Variants in IQGAP2 observed in about 807,000 individuals in gnomAD.
IQGAP2 encodes ras GTPase-activating-like protein IQGAP2.
A neutral mutation model predicts 201.3 loss-of-function variants in IQGAP2; 173 were observed. The observed-to-expected ratio is 0.86, with a 90% CI of 0.76 to 0.98. The LOEUF (loss-of-function observed/expected upper bound fraction) is 0.98, where lower values mean the gene tolerates loss of function less well. Ranked by LOEUF, IQGAP2 falls within the 50% of genes least tolerant of loss-of-function variation. IQGAP2 has a pLI of 0.00. For missense variants in IQGAP2, 1,687 were observed against 1,864.8 expected, an observed-to-expected ratio of 0.90 and a Z score of 1.76; for synonymous variants, 675 against 673.9, an observed-to-expected ratio of 1.00 and a Z score of -0.03.
intron 21 of IQGAP2, among the ~76,000 whole-genome samples, chr5:76,661,267 G>A (rs1359945225): frequency 2.6e-5 from 4 of 152,148 alleles, no homozygotes; most frequent in Non-Finnish European, 5.9e-5. Flanking sequence ...CTCAAAATCT[G>A]TAGGTCAGTG....
chr5:76,642,731 G>C (rs1751691141), intron 17 of IQGAP2, among the ~76,000 whole-genome samples: 1 of 152,160 alleles, frequency 6.6e-6, no homozygotes, highest in Non-Finnish European at 1.5e-5. Context: ...CTGCCCCCCA[G>C]ACACAGTAGT....
At chr5:76,497,030 G>T (rs1379961790) in intron 2 of IQGAP2, among the ~76,000 whole-genome samples, 2 of 151,788 alleles carry the variant, frequency 1.3e-5, no homozygotes, top group Admixed American at 6.6e-5. Context: ...GGGTTTTACC[G>T]TGTTGGTCAG....
chr5:76,595,130 G>T (rs1278708163), intron 9 of IQGAP2, among the ~76,000 whole-genome samples: 3 of 151,808 alleles, frequency 2.0e-5, no homozygotes, highest in Non-Finnish European at 4.4e-5. Flanking sequence ...GTTGTTAGAG[G>T]CCTCAGCTTT....
chr5:76,587,781 A>G (rs1580528575), intron 5 of IQGAP2, among the ~76,000 whole-genome samples: 1 of 150,922 alleles, frequency 6.6e-6, no homozygotes, highest in South Asian at 2.1e-4. Flanking sequence ...GTCTCTACTA[A>G]AAAAAAATAC....
At chr5:76,496,404 C>T (rs1303976618) in intron 2 of IQGAP2, among the ~76,000 whole-genome samples, 1 of 152,162 alleles carries the variant, frequency 6.6e-6, no homozygotes, top group Non-Finnish European at 1.5e-5. Context: ...TAGGAGCTTG[C>T]ACTTGAAAGC....
At chr5:76,605,286 T>C (rs1747723771) in intron 11 of IQGAP2, among the ~76,000 whole-genome samples, 1 of 152,224 alleles carries the variant, frequency 6.6e-6, no homozygotes, top group Non-Finnish European at 1.5e-5. Flanking sequence ...GACTAAACTG[T>C]ATCTTCCAGA....
At chr5:76,516,020 C>T (rs1758297630) in intron 2 of IQGAP2, among the ~76,000 whole-genome samples, 1 of 151,518 alleles carries the variant, frequency 6.6e-6, no homozygotes, top group Non-Finnish European at 1.5e-5. Flanking sequence ...TGGGACTATG[C>T]GTGTGCCACC....
chr5:76,680,231 C>A (rs142879709), intron 28 of IQGAP2, among the ~76,000 whole-genome samples: 9 of 152,278 alleles, frequency 5.9e-5, no homozygotes, highest in Non-Finnish European at 1.0e-4. Context: ...GGACTAAGTT[C>A]AATGGGAAAA....
rs138520013 is a variant in IQGAP2 at position 76,584,617 on chromosome 5, C to T, written c.459-4289C>T. Among the ~76,000 whole-genome samples, 515 of 151,974 alleles carry T rather than the reference C, an allele frequency of 3.4e-3. 8 individuals carry two copies. Among genetic ancestry groups the T allele is most frequent in the African/African-American group, 0.012 (487 of 41,426 alleles). On this transcript the variant is annotated intron_variant, in intron 5 of 35. Transcript: ENST00000274364. ...AAGCAGCAAGTGTAGATGCTGATAG[C>T]GGGATAGCATGCCGGTACCCAAGAC... is the stretch of plus-strand genomic sequence containing the variant.
intron 4 of IQGAP2, among the ~76,000 whole-genome samples, chr5:76,572,326 G>C (rs1745170942): frequency 6.6e-6 from 1 of 151,622 alleles, no homozygotes; most frequent in Non-Finnish European, 1.5e-5. Context: ...TGATTCTCGG[G>C]GTTATCACTT....
chr5:76,412,048 T>A (rs1751153013), intron 1 of IQGAP2, among the ~76,000 whole-genome samples: 1 of 152,182 alleles, frequency 6.6e-6, no homozygotes, highest in Admixed American at 6.5e-5. Flanking sequence ...CACCTTACAG[T>A]GTTATTCATT....
intron 2 of IQGAP2, among the ~76,000 whole-genome samples, chr5:76,497,231 T>C (rs1269508861): frequency 2.0e-5 from 3 of 152,222 alleles, no homozygotes; most frequent in Non-Finnish European, 4.4e-5. Flanking sequence ...CTGCCTGATA[T>C]TAACTGTTAA....
chr5:76,415,488 C>A (rs1751358458), intron 1 of IQGAP2, among the ~76,000 whole-genome samples: 1 of 152,162 alleles, frequency 6.6e-6, no homozygotes, highest in Admixed American at 6.5e-5. Flanking sequence ...ACAAACTTTG[C>A]CTTATGAAAA....
intron 5 of IQGAP2, among the ~76,000 whole-genome samples, chr5:76,588,572 G>T (rs1355988341): frequency 6.6e-6 from 1 of 152,166 alleles, no homozygotes; most frequent in Non-Finnish European, 1.5e-5. Flanking sequence ...AATATTCAAA[G>T]AAATGTTTAT....
intron 5 of IQGAP2, among the ~76,000 whole-genome samples, chr5:76,583,708 G>T (rs546557649): frequency 1.3e-5 from 2 of 152,056 alleles, no homozygotes; most frequent in African/African-American, 4.8e-5. Context: ...ATATTACATT[G>T]TACAATGGAG....
At chr5:76,419,441 A>C (rs547787420) in intron 1 of IQGAP2, among the ~76,000 whole-genome samples, 1 of 151,936 alleles carries the variant, frequency 6.6e-6, no homozygotes, top group Non-Finnish European at 1.5e-5. Context: ...AGTTCAAGCA[A>C]TTCTCCTGCC....
chr5:76,695,984 G>A (rs1246468752), intron 32 of IQGAP2, among the ~76,000 whole-genome samples: 1 of 151,848 alleles, frequency 6.6e-6, no homozygotes, highest in Non-Finnish European at 1.5e-5. Context: ...GGGACTACAG[G>A]CACGCACCAC....
chr5:76,494,764 C>T (rs910162237), intron 2 of IQGAP2, among the ~76,000 whole-genome samples: 4 of 152,166 alleles, frequency 2.6e-5, no homozygotes, highest in African/African-American at 7.2e-5. Context: ...CATATACACT[C>T]AACCCTCCTT....
At chr5:76,523,814 A>T (rs1279674490) in intron 2 of IQGAP2, among the ~76,000 whole-genome samples, 1 of 152,174 alleles carries the variant, frequency 6.6e-6, no homozygotes. Flanking sequence ...TTAGGAGAAA[A>T]CAAAGATGGG....
Sources: gnomAD v4.1 joint callset for allele counts (sites outside exome capture counted in the v4.1 genomes callset) on GRCh38, gnomAD v4.1.1 for gene constraint, MANE v1.5 for transcripts, NCBI Gene and HGNC (gene_info 2026-07-23, HGNC 2026-07-21) for gene names.